Variants in CAMTA1 observed in about 807,000 individuals in gnomAD.
CAMTA1 encodes the protein calmodulin-binding transcription activator 1.
In CAMTA1, 27 loss-of-function variants were observed where a neutral mutation model predicts 170.9. The observed-to-expected ratio is 0.16, with a 90% CI of 0.12 to 0.22. CAMTA1 has a LOEUF of 0.22. Among genes scored for constraint, CAMTA1 ranks in the 10% least tolerant of loss-of-function variants. CAMTA1 has a pLI of 1.00. For missense variants in CAMTA1, 1,619 were observed against 2,217.2 expected (o/e 0.73, Z 5.42); for synonymous variants, 833 against 891.5 (o/e 0.93, Z 1.17).
At chr1:6,947,120 A>G (rs935130653) in intron 3 of CAMTA1, among the ~76,000 whole-genome samples, 1 of 152,216 alleles carries the variant, frequency 6.6e-6, no homozygotes, top group Non-Finnish European at 1.5e-5. Context: ...TCAATTGGCC[A>G]TAAGTGTGAG....
In CAMTA1 at chr1:7,407,772, C is replaced by T. The variant is rs576800451; in HGVS notation, c.439-60058C>T. On this transcript the variant is annotated intron_variant, in intron 5 of 22. Coordinates refer to ENST00000303635, the MANE Select transcript of CAMTA1 (RefSeq NM_015215.4). ...TTGGTTTTAGAAGGGAGCCTGATGC[C>T]CAGGCCAAGGTCCAGGCATGGATGT... Among the ~76,000 whole-genome samples, 8 of 152,186 alleles carry T rather than the reference C, an allele frequency of 5.3e-5. No homozygotes were observed. The East Asian group carries it at 1.6e-3, about 30-fold the overall frequency.
At chr1:7,684,972 C>T (rs1576854919) in intron 11 of CAMTA1, among the ~76,000 whole-genome samples, 1 of 152,180 alleles carries the variant, frequency 6.6e-6, no homozygotes, top group African/African-American at 2.4e-5. Flanking sequence ...GAAGAAGCCG[C>T]GCAGGTTAGG....
intron 6 of CAMTA1, among the ~76,000 whole-genome samples, chr1:7,508,379 C>T (rs369385287): frequency 3.4e-4 from 51 of 152,230 alleles, no homozygotes; most frequent in African/African-American, 1.1e-3. Flanking sequence ...CTTGAAAAAG[C>T]CTCCTCAAAA....
chr1:7,722,735 G>A (rs1173105961), intron 11 of CAMTA1, among the ~76,000 whole-genome samples: 1 of 150,952 alleles, frequency 6.6e-6, no homozygotes, highest in Non-Finnish European at 1.5e-5. Flanking sequence ...TTCATTTATC[G>A]GTTTATTACA....
intron 5 of CAMTA1, among the ~76,000 whole-genome samples, chr1:7,373,454 C>T (rs2086627564): frequency 6.6e-6 from 1 of 152,166 alleles, no homozygotes; most frequent in Non-Finnish European, 1.5e-5. Context: ...TGGGAGTGCT[C>T]CACCTCAGTC....
At chr1:6,943,801 C>T (rs138555131) in intron 3 of CAMTA1, among the ~76,000 whole-genome samples, 4 of 139,794 alleles carry the variant, frequency 2.9e-5, no homozygotes, top group Non-Finnish European at 6.0e-5. Context: ...GAGCCGAAAT[C>T]GTGCCACTGC....
intron 3 of CAMTA1, among the ~76,000 whole-genome samples, chr1:6,879,343 G>C (rs1571296241): frequency 6.6e-6 from 1 of 152,144 alleles, no homozygotes; most frequent in Non-Finnish European, 1.5e-5. Context: ...TTTCTGGCTT[G>C]GGGAAGACTT....
Position 6,950,779 on chromosome 1 carries a change from A to G in CAMTA1, c.234+125569A>G, listed in dbSNP as rs375787352. Among the ~76,000 whole-genome samples the G allele has an allele frequency of 2.6e-4, 40 of 151,476 alleles. 1 individual carries two copies. In the East Asian group the frequency reaches 6.4e-3, roughly 24 times the overall value. On this transcript the variant is annotated intron_variant, in intron 3 of 22. Coordinates refer to ENST00000303635, the MANE Select transcript of CAMTA1 (RefSeq NM_015215.4). ...GCACTCCCGTCATGTACCACAAAGC[A>G]GGGAGAACAGGTCATAGCATTAATG...
chr1:6,997,586 T>C (rs1697465738), intron 3 of CAMTA1, among the ~76,000 whole-genome samples: 1 of 152,104 alleles, frequency 6.6e-6, no homozygotes, highest in Admixed American at 6.5e-5. Context: ...TTCATGTTTC[T>C]GTCCTCCTGG....
intron 4 of CAMTA1, among the ~76,000 whole-genome samples, chr1:7,246,878 G>C (rs1428338224): frequency 6.6e-6 from 1 of 152,014 alleles, no homozygotes; most frequent in Non-Finnish European, 1.5e-5. Context: ...ATGTTGGCCA[G>C]GCTGGTTCCA....
intron 16 of CAMTA1, among the ~76,000 whole-genome samples, chr1:7,742,477 A>G (rs1241265061): frequency 1.3e-5 from 2 of 152,340 alleles, no homozygotes; most frequent in East Asian, 1.9e-4. Flanking sequence ...TGTCCAAGGC[A>G]TGTTTATGAA....
intron 5 of CAMTA1, among the ~76,000 whole-genome samples, chr1:7,344,617 T>C (rs1352054302): frequency 2.6e-5 from 4 of 152,210 alleles, no homozygotes; most frequent in African/African-American, 9.7e-5. Flanking sequence ...GACTTCTTAA[T>C]TGTTGCCAGT....
intron 4 of CAMTA1, among the ~76,000 whole-genome samples, chr1:7,185,680 C>T (rs1346013491): frequency 1.3e-5 from 2 of 152,198 alleles, no homozygotes; most frequent in Non-Finnish European, 2.9e-5. Flanking sequence ...GACAAACACA[C>T]AGCTGTGGCT....
At chr1:7,452,596 T>G (rs765768880) in intron 5 of CAMTA1, among the ~76,000 whole-genome samples, 1 of 152,228 alleles carries the variant, frequency 6.6e-6, no homozygotes. Context: ...CTCTTCAGAA[T>G]GTTTCCTAGG....
At chr1:7,696,535 G>T (rs1181002704) in intron 11 of CAMTA1, among the ~76,000 whole-genome samples, 7 of 149,948 alleles carry the variant, frequency 4.7e-5, no homozygotes, top group African/African-American at 1.7e-4. Flanking sequence ...TGCTTTATAA[G>T]AAAGCCACAC....
chr1:7,290,579 C>G (rs895129149), intron 5 of CAMTA1, among the ~76,000 whole-genome samples: 2 of 152,198 alleles, frequency 1.3e-5, no homozygotes, highest in African/African-American at 4.8e-5. Flanking sequence ...AACCACCCCC[C>G]CCATGCACGT....
intron 1 of CAMTA1, among the ~76,000 whole-genome samples, chr1:6,805,962 C>CTGTGTTTTTT (rs1445462370): frequency 6.6e-6 from 1 of 151,856 alleles, no homozygotes; most frequent in African/African-American, 2.4e-5. Context: ...AGGTTTACAC[C>CTGTGTTTTTT]TGTGTTTTTT....
At chr1:7,136,495 T>C (rs957941352) in intron 4 of CAMTA1, among the ~76,000 whole-genome samples, 1 of 152,146 alleles carries the variant, frequency 6.6e-6, no homozygotes, top group Non-Finnish European at 1.5e-5. Flanking sequence ...CTATTGTTCA[T>C]ACCCTATCTA....
chr1:7,276,291 A>ATTTTTTTTTTTTTTTT (rs1257658481), intron 5 of CAMTA1, among the ~76,000 whole-genome samples: 4 of 51,304 alleles, frequency 7.8e-5, no homozygotes, highest in Non-Finnish European at 1.2e-4. Context: ...ATATATATAT[A>ATTTTTTTTTTTTTTTT]TATATATATA....
Sources: allele counts gnomAD v4.1 joint callset (sites outside exome capture counted in the v4.1 genomes callset), GRCh38; gene constraint gnomAD v4.1.1; transcripts MANE v1.5; gene names NCBI Gene and HGNC (gene_info 2026-07-23, HGNC 2026-07-21).